The following LRP4 variants were observed in gnomAD, a reference collection of about 807,000 sequenced individuals.
LRP4 encodes the protein LDL receptor related protein 4, also known as low-density lipoprotein receptor-related protein 4.
LRP4 carries 95 observed loss-of-function variants against 220.3 expected under a neutral mutation model. That is an observed-to-expected ratio of 0.43 (90% CI 0.37 to 0.51). The LOEUF (loss-of-function observed/expected upper bound fraction) is 0.51, where lower values mean the gene tolerates loss of function less well. LRP4 is among the 20% of genes least tolerant of loss of function. The pLI is 0.00. For synonymous variants in LRP4, 903 were observed against 954.6 expected, an observed-to-expected ratio of 0.95 and a Z score of 1.00; for missense variants, 1,925 against 2,567.0, an observed-to-expected ratio of 0.75 and a Z score of 5.40.
At chr11:46,889,610 G>C in intron 15 of LRP4, 77 bp from the exon 16 acceptor site, 1 of 1,586,276 alleles carries the variant, frequency 6.3e-7, no homozygotes, top group African/African-American at 1.3e-5. Context: ...TAGGGGTTTA[G>C]GTAGGGTGAT....
intron 12 of LRP4, 38 bp from the exon 13 acceptor site, chr11:46,893,167 AC>A: frequency 6.2e-7 from 1 of 1,613,640 alleles, no homozygotes; most frequent in Non-Finnish European, 8.5e-7. Context: ...CAAGGAGTCA[AC>A]CCAGGCCCCC....
intron 2 of LRP4, 136 bp downstream of exon 2, chr11:46,902,647 A>G (rs555511873): frequency 2.4e-5 from 24 of 982,686 alleles, no homozygotes; most frequent in Middle Eastern, 3.2e-4. Context: ...AAATGTCAAT[A>G]TCTATCAAGC....
intron 8 of LRP4, 37 bp from the exon 9 acceptor site, chr11:46,896,372 G>A: frequency 1.9e-6 from 3 of 1,609,520 alleles, no homozygotes; most frequent in Non-Finnish European, 1.7e-6. Context: ...GCAAGGCAGG[G>A]CTTGGGCCAA....
intron 34 of LRP4, among the ~76,000 whole-genome samples, chr11:46,866,519 C>T (rs565578350): frequency 6.6e-6 from 1 of 152,286 alleles, no homozygotes; most frequent in East Asian, 1.9e-4. Context: ...TTCCTGGACT[C>T]ATGTGATCTG....
chr11:46,917,036 GA>G (rs908750681), intron 1 of LRP4, among the ~76,000 whole-genome samples: 3 of 152,196 alleles, frequency 2.0e-5, no homozygotes, highest in Non-Finnish European at 4.4e-5. Context: ...AGAGGACGCG[GA>G]AAAAAGCCCC....
intron 16 of LRP4, among the ~76,000 whole-genome samples, chr11:46,888,132 A>C (rs1460165613): frequency 2.7e-5 from 4 of 150,878 alleles, no homozygotes; most frequent in Non-Finnish European, 5.9e-5. Flanking sequence ...GACCAGCCTG[A>C]CCAACATGGT....
rs755831779 is a variant in LRP4, at chr11:46,876,695, C to T, written c.3364+49G>A. The T allele has an allele frequency of 3.7e-6, 6 of 1,613,776 alleles. No homozygotes were observed. The Admixed American group carries it at 8.3e-5, about 22-fold the overall frequency. ...ATTTTAAAACAGATGGGCTATTTCC[C>T]CAGCCCTGTTGCCAGACAGGTGGTC... is the stretch of plus-strand genomic sequence containing the variant. On this transcript the variant is annotated intron_variant, in intron 24 of 37. Transcript: ENST00000378623.
chr11:46,897,976 G>A (rs1334170286), intron 7 of LRP4, among the ~76,000 whole-genome samples: 19 of 151,012 alleles, frequency 1.3e-4, no homozygotes, highest in African/African-American at 3.4e-4. Flanking sequence ...CTCACCTCCC[G>A]GACGGGGCGG....
At chr11:46,893,678 C>T (rs112725620) in intron 12 of LRP4, among the ~76,000 whole-genome samples, 6,638 of 152,308 alleles carry the variant, frequency 0.044, 480 homozygotes, top group African/African-American at 0.15. Context: ...CGGGTCACTG[C>T]AACCTCCACC....
chr11:46,882,772 C>G (rs12790110), intron 19 of LRP4, among the ~76,000 whole-genome samples: 1 of 151,644 alleles, frequency 6.6e-6, no homozygotes, highest in African/African-American at 2.4e-5. Flanking sequence ...AGGAGGATTG[C>G]TTGAGCCCAG....
In LRP4 at chr11:46,868,175, A is replaced by G. The variant is rs1940753931; in HGVS notation, c.4952-61T>C. On this transcript the variant is annotated intron_variant, in intron 33 of 37. Coordinates refer to ENST00000378623, the MANE Select transcript of LRP4 (RefSeq NM_002334.4). Reference sequence around the variant, plus strand: ...ACCATAAACATCTACATATGGCCCAAGAGTAGCAGCTGGAGAACTTGACAA... The same window carrying G: ...ACCATAAACATCTACATATGGCCCAGGAGTAGCAGCTGGAGAACTTGACAA... The G allele has an allele frequency of 3.1e-6, 5 of 1,604,718 alleles. No homozygotes were observed. In the Admixed American group the frequency reaches 8.3e-5, roughly 27 times the overall value.
chr11:46,859,370 C>G, intron 37 of LRP4, 55 bp from the exon 38 acceptor site: 1 of 1,321,690 alleles, frequency 7.6e-7, no homozygotes, highest in Non-Finnish European at 1.1e-6. Context: ...ACAAAGGATC[C>G]CATGGTAAAC....
chr11:46,868,996 C>A lies in LRP4; in HGVS notation c.4829G>T (p.Arg1610Leu), dbSNP rs756543033. The change falls in exon 32 of 38, where the codon CGG (arginine) becomes CTG (leucine). Residue 1610 changes from arginine to leucine, a missense_variant. Coordinates refer to ENST00000378623, the MANE Select transcript of LRP4 (RefSeq NM_002334.4). ...AGTACCCGGGAGCCCACCTGTCTGC[C>A]GCTGAGGGGAAACCACGATGATATC... is the stretch of plus-strand genomic sequence containing the variant. ...LMDIIVVSPQRQTGTNACGVN... is the reference protein window; with the variant it reads ...LMDIIVVSPQLQTGTNACGVN... The A allele has an allele frequency of 6.2e-7, 1 of 1,614,174 alleles. No individual in the cohort carries two copies.
chr11:46,869,172 C>G, intron 31 of LRP4, 40 bp from the exon 32 acceptor site: 4 of 1,597,138 alleles, frequency 2.5e-6, no homozygotes, highest in Non-Finnish European at 3.4e-6. Flanking sequence ...AAATATTATT[C>G]AGCAAGCAGA....
In LRP4 at chr11:46,881,816, A is replaced by G; in HGVS notation, c.2700T>C (p.Ser900=). 1 of 1,614,246 alleles carries G rather than the reference A, an allele frequency of 6.2e-7. No homozygotes were observed. The highest frequency in any genetic ancestry group is 2.2e-5 in the East Asian group (1 of 44,890). ...CTAACCCATTAGGCCAGGTCAGATTAGAAGAGATAATGACTTGGCGGCCTG... is the reference window on the plus strand; with the variant it reads ...CTAACCCATTAGGCCAGGTCAGATTGGAAGAGATAATGACTTGGCGGCCTG... ...DASGRQVIIS[S]NLTWPNGLAI... The change falls in exon 20 of 38, where the codon TCT becomes TCC. Residue 900 remains serine (S), a synonymous_variant. Coordinates refer to ENST00000378623, the MANE Select transcript of LRP4 (RefSeq NM_002334.4).
chr11:46,867,982 C>T lies in LRP4; in HGVS notation c.5084G>A (p.Gly1695Glu). The change falls in exon 34 of 38, where the codon GGA becomes GAA. Residue 1695 changes from glycine (G) to glutamate (E), a missense_variant. By Grantham distance (98) the Gly-to-Glu change is moderately conservative (BLOSUM62 -2). Around this residue, in one of 3 missense-constraint regions of LRP4, gnomAD observed 1,244 missense variants for 1,624.9 expected, o/e 0.77. Coordinates refer to ENST00000378623, the MANE Select transcript of LRP4 (RefSeq NM_002334.4). ...RTRTSLEEVEGRCSERDARLG... is the reference protein window; with the variant it reads ...RTRTSLEEVEERCSERDARLG... ...ATCCTGCATTGAACCTATTTACCTT[C>T]CTTCCACCTCCTCCAGAGACGTGCG... 6.2e-7 allele frequency: 1 copy of T among 1,614,170 alleles called. No individual in the cohort carries two copies. The highest frequency in any genetic ancestry group is 8.5e-7 in the Non-Finnish European group (1 of 1,180,016).
In LRP4 at chr11:46,875,315, G is replaced by T; in HGVS notation, c.3925+141C>A. The T allele has an allele frequency of 1.1e-6, 1 of 912,636 alleles. No individual in the cohort carries two copies. Among genetic ancestry groups the T allele is most frequent in the Non-Finnish European group, 1.7e-6 (1 of 579,776 alleles). The allele number at this position is 912,636 out of a possible 1,614,324, so 56.5% of individuals were successfully genotyped here. On this transcript the variant is annotated intron_variant, in intron 27 of 37. Transcript: ENST00000378623. The surrounding 1 kb of genome is among the most constrained non-coding windows in gnomAD (Gnocchi z 4.5). ...ACCAGCCATACCCAGAGAGAACACA[G>T]CCCAATCTGGAAGGGAGCTTAAACA... is the stretch of plus-strand genomic sequence containing the variant.
Position 46,898,988 on chromosome 11 carries a change from A to C in LRP4, c.592T>G (p.Cys198Gly). ...TCGAGGATGCAGCGTCCATAGGCAC[A>C]CTGGAACTCCTCCAGGTTGCAGGGG... ...APPCNLEEFQ[C>G]AYGRCILDIY... is the part of the protein sequence containing the mutation. The change falls in exon 6 of 38, where the codon TGT becomes GGT. Residue 198 changes from cysteine (C) to glycine (G), a missense_variant. Physicochemically the swap from Cys to Gly is radical, Grantham distance 159. This residue lies in a region of LRP4 where 412 missense variants were observed against 505.4 expected (regional missense o/e 0.82). Coordinates refer to ENST00000378623, the MANE Select transcript of LRP4 (RefSeq NM_002334.4). 1 of 1,613,722 alleles carries C rather than the reference A, an allele frequency of 6.2e-7. No individual in the cohort carries two copies.
At chr11:46,900,033 C>A in intron 3 of LRP4, 57 bp from the exon 4 acceptor site, 1 of 1,426,044 alleles carries the variant, frequency 7.0e-7, no homozygotes, top group Non-Finnish European at 9.9e-7. Flanking sequence ...TGCCTGGAAG[C>A]CTGACTTAAA....
Sources: allele counts gnomAD v4.1 joint callset (sites outside exome capture counted in the v4.1 genomes callset), GRCh38; gene constraint gnomAD v4.1.1; regional missense constraint gnomAD v4.1.1; non-coding constraint Gnocchi (gnomAD v3.1); transcripts MANE v1.5; gene names NCBI Gene and HGNC (gene_info 2026-07-23, HGNC 2026-07-21).